FBXO10: variants seen among roughly 807,000 people sequenced by gnomAD.
FBXO10 encodes the protein F-box only protein 10.
Under a neutral mutation model 80.7 loss-of-function variants are expected in FBXO10, and 39 were observed. That is an observed-to-expected ratio of 0.48 (90% CI 0.37 to 0.63). The LOEUF is 0.63. Among genes scored for constraint, FBXO10 ranks in the 30% least tolerant of loss-of-function variants. FBXO10 has a pLI of 0.00. For missense variants in FBXO10, 1,025 were observed against 1,269.0 expected (o/e 0.81, Z 2.92); for synonymous variants, 449 against 489.6 (o/e 0.92, Z 1.09).
intron 10 of FBXO10, among the ~76,000 whole-genome samples, chr9:37,513,361 C>T (rs1391205784): frequency 6.6e-6 from 1 of 152,102 alleles, no homozygotes; most frequent in Non-Finnish European, 1.5e-5. Flanking sequence ...TATTCATAAT[C>T]ACCAAAAACT....
chr9:37,552,849 C>A (rs1822236842), intron 1 of FBXO10, among the ~76,000 whole-genome samples: 1 of 152,248 alleles, frequency 6.6e-6, no homozygotes, highest in Non-Finnish European at 1.5e-5. Context: ...TATGTGTCTG[C>A]ACACTGCAGA....
intron 6 of FBXO10, among the ~76,000 whole-genome samples, chr9:37,523,599 A>G (rs966788361): frequency 6.6e-6 from 1 of 152,082 alleles, no homozygotes; most frequent in African/African-American, 2.4e-5. Flanking sequence ...GGTGTCCAAA[A>G]AACCAACCAA....
intron 9 of FBXO10, 130 bp downstream of exon 9, chr9:37,517,995 T>C: frequency 2.0e-6 from 2 of 996,458 alleles, no homozygotes; most frequent in East Asian, 2.5e-5. Context: ...GGCTGAGTCC[T>C]GGCAGGAGGG....
At chr9:37,560,483 AT>A (rs1166800566) in intron 1 of FBXO10, among the ~76,000 whole-genome samples, 1 of 152,110 alleles carries the variant, frequency 6.6e-6, no homozygotes, top group African/African-American at 2.4e-5. Flanking sequence ...AGGGCTCTGT[AT>A]CTAGAATGAA....
At chr9:37,513,660 G>A (rs751366756) in intron 10 of FBXO10, among the ~76,000 whole-genome samples, 3 of 152,028 alleles carry the variant, frequency 2.0e-5, no homozygotes, top group Non-Finnish European at 4.4e-5. Flanking sequence ...TGTGATCTGG[G>A]TTCACTGCAA....
chr9:37,553,069 G>A (rs1372837341), intron 1 of FBXO10, among the ~76,000 whole-genome samples: 2 of 151,318 alleles, frequency 1.3e-5, no homozygotes, highest in Non-Finnish European at 2.9e-5. Flanking sequence ...TTGAGATGGA[G>A]TCTCGCTCTG....
At chr9:37,539,607 CA>C (rs1821864006) in intron 2 of FBXO10, among the ~76,000 whole-genome samples, 2 of 152,312 alleles carry the variant, frequency 1.3e-5, no homozygotes, top group Non-Finnish European at 2.9e-5. Flanking sequence ...GGGTCTGGAA[CA>C]TTATTTCTTT....
At chr9:37,531,571 G>T (rs1210348800) in intron 4 of FBXO10, among the ~76,000 whole-genome samples, 4 of 152,178 alleles carry the variant, frequency 2.6e-5, no homozygotes, top group Non-Finnish European at 5.9e-5. Context: ...TTTGTTTGTT[G>T]TTGGATCCAA....
intron 10 of FBXO10, chr9:37,515,032 T>C (rs68118507): frequency 0.094 from 14,249 of 152,198 alleles, 835 homozygotes; most frequent in Middle Eastern, 0.19. Context: ...GCAGGATGCA[T>C]GGGACAACCT....
At chr9:37,574,964 G>A (rs1822855952) in intron 1 of FBXO10, among the ~76,000 whole-genome samples, 1 of 152,112 alleles carries the variant, frequency 6.6e-6, no homozygotes, top group African/African-American at 2.4e-5. Context: ...ACAGTGCCTG[G>A]TAAAAGGTCC....
chr9:37,553,126 C>T (rs931046328), intron 1 of FBXO10, among the ~76,000 whole-genome samples: 17 of 152,190 alleles, frequency 1.1e-4, no homozygotes, highest in African/African-American at 3.4e-4. Flanking sequence ...ACTGCAACCT[C>T]TGCCTCCTGG....
chr9:37,528,186 C>G (rs940801398), intron 5 of FBXO10, among the ~76,000 whole-genome samples: 7 of 152,160 alleles, frequency 4.6e-5, no homozygotes, highest in African/African-American at 1.7e-4. Context: ...TAGGCTCCCC[C>G]GCCTCAGCTT....
At position 37,537,908 on chromosome 9, in the gene FBXO10, G is replaced by A; in HGVS notation, c.621C>T (p.Asn207=). The A allele has an allele frequency of 6.2e-7, 1 of 1,613,900 alleles. No homozygotes were observed. The highest frequency in any genetic ancestry group is 8.5e-7 in the Non-Finnish European group (1 of 1,179,854). The part of the protein sequence containing the change: ...TSGHVQFDNC[N]FENGHIQVHG... Reference sequence around the variant, plus strand: ...GGACCTGGATGTGCCCGTTCTCAAAGTTGCAGTTGTCAAACTGGACGTGAC... The same window carrying A: ...GGACCTGGATGTGCCCGTTCTCAAAATTGCAGTTGTCAAACTGGACGTGAC... The change falls in exon 3 of 11, where the codon AAC becomes AAT. Residue 207 remains asparagine (N), a synonymous_variant. Transcript: ENST00000432825.
intron 8 of FBXO10, among the ~76,000 whole-genome samples, chr9:37,520,657 C>T (rs1434153117): frequency 6.6e-6 from 1 of 151,942 alleles, no homozygotes; most frequent in South Asian, 2.1e-4. Flanking sequence ...ATCCCTGGCA[C>T]CTGGCCTCCA....
At chr9:37,563,632 A>T (rs1822532835) in intron 1 of FBXO10, among the ~76,000 whole-genome samples, 1 of 152,174 alleles carries the variant, frequency 6.6e-6, no homozygotes, top group Non-Finnish European at 1.5e-5. Flanking sequence ...ACCGGAGTAA[A>T]GGTAACTCTT....
chr9:37,545,059 G>A (rs1227433672), intron 1 of FBXO10, among the ~76,000 whole-genome samples: 1 of 151,318 alleles, frequency 6.6e-6, no homozygotes, highest in African/African-American at 2.4e-5. Flanking sequence ...ATAGGGGAAA[G>A]GCTGGGCTCC....
At chr9:37,573,227 A>G (rs1448553115) in intron 1 of FBXO10, among the ~76,000 whole-genome samples, 1 of 152,182 alleles carries the variant, frequency 6.6e-6, no homozygotes, top group East Asian at 1.9e-4. Flanking sequence ...AAACAGAGAC[A>G]TCTCTTGGGT....
chr9:37,531,979 G>C lies in FBXO10; in HGVS notation c.1499C>G (p.Ala500Gly), dbSNP rs1193352162. 5 of 1,613,846 alleles carry C rather than the reference G, an allele frequency of 3.1e-6. No homozygotes were observed. In the African/African-American group the frequency reaches 6.7e-5, roughly 22 times the overall value. The change falls in exon 4 of 11, where the codon GCC becomes GGC. Residue 500 changes from alanine to glycine, a missense_variant. Around this residue, in one of 3 missense-constraint regions of FBXO10, gnomAD observed 478 missense variants for 667.8 expected, o/e 0.72. Transcript: ENST00000432825. ...TGCATTGTGGTAAATGTTGTTGCCG[G>C]CAATCAAGCCACCGCCCTCCAAGCG... ...FLRLEGGGLIAGNNIYHNAEA... is the reference protein window; with the variant it reads ...FLRLEGGGLIGGNNIYHNAEA...
intron 1 of FBXO10, among the ~76,000 whole-genome samples, chr9:37,554,978 T>C (rs145466711): frequency 1.3e-5 from 2 of 152,344 alleles, no homozygotes; most frequent in African/African-American, 2.4e-5. Flanking sequence ...CTAGGTTCTT[T>C]TCCCAGAGAG....
Sources: gnomAD v4.1 joint callset for allele counts (sites outside exome capture counted in the v4.1 genomes callset) on GRCh38, gnomAD v4.1.1 for gene constraint, gnomAD v4.1.1 regional missense constraint, MANE v1.5 for transcripts, NCBI Gene and HGNC (gene_info 2026-07-23, HGNC 2026-07-21) for gene names.